The following STK39 variants were observed in gnomAD, a reference collection of about 807,000 sequenced individuals.
STK39 encodes STE20/SPS1-related proline-alanine-rich protein kinase.
A neutral mutation model predicts 77.8 loss-of-function variants in STK39; 20 were observed. The ratio of observed to expected loss-of-function variants is 0.26; its 90% CI spans 0.18 to 0.37. The LOEUF (loss-of-function observed/expected upper bound fraction) is 0.37, where lower values mean the gene tolerates loss of function less well. Ranked by LOEUF, STK39 falls within the 10% of genes least tolerant of loss-of-function variation. The pLI is 1.00. For missense variants in STK39, 479 were observed against 656.5 expected (o/e 0.73, Z 2.95); for synonymous variants, 246 against 234.1 (o/e 1.05, Z -0.47).
intron 1 of STK39, among the ~76,000 whole-genome samples, chr2:168,202,985 A>G (rs1238874824): frequency 6.6e-6 from 1 of 152,134 alleles, no homozygotes; most frequent in Admixed American, 6.5e-5. Flanking sequence ...CTTTCAACAG[A>G]GCACCTCTAT....
intron 1 of STK39, among the ~76,000 whole-genome samples, chr2:168,224,325 C>T (rs1690253270): frequency 6.6e-6 from 1 of 151,886 alleles, no homozygotes; most frequent in South Asian, 2.1e-4. Context: ...TTATAAAGAC[C>T]CATCAGCATT....
intron 5 of STK39, 106 bp downstream of exon 5, chr2:168,161,681 A>G: frequency 1.3e-6 from 1 of 755,270 alleles, no homozygotes; most frequent in East Asian, 2.9e-5. Flanking sequence ...ATCATTCTGA[A>G]AAGAGATTAC....
intron 1 of STK39, among the ~76,000 whole-genome samples, chr2:168,234,219 C>A (rs73013470): frequency 0.15 from 22,100 of 152,156 alleles, 1,849 homozygotes; most frequent in African/African-American, 0.24. Flanking sequence ...AAATTACCAT[C>A]CAGCACCACC....
intron 14 of STK39, among the ~76,000 whole-genome samples, chr2:168,032,921 C>T (rs565802693): frequency 2.0e-5 from 3 of 152,264 alleles, no homozygotes; most frequent in South Asian, 2.1e-4. Context: ...AAGAAGAAGT[C>T]GAGTTGCTGA....
intron 5 of STK39, among the ~76,000 whole-genome samples, chr2:168,145,704 T>C (rs1688119237): frequency 1.3e-5 from 2 of 152,204 alleles, no homozygotes; most frequent in Admixed American, 6.5e-5. Context: ...CCATGTGATA[T>C]TATGTTTGTG....
intron 16 of STK39, among the ~76,000 whole-genome samples, chr2:167,987,991 A>G (rs1425643000): frequency 6.6e-6 from 1 of 152,170 alleles, no homozygotes; most frequent in African/African-American, 2.4e-5. Context: ...TTTGCAGAGG[A>G]AATGGAGGCA....
At chr2:168,200,586 A>T (rs1689588621) in intron 1 of STK39, among the ~76,000 whole-genome samples, 1 of 152,186 alleles carries the variant, frequency 6.6e-6, no homozygotes, top group Admixed American at 6.5e-5. Flanking sequence ...CTGAGGCACC[A>T]GAATCATTTG....
intron 5 of STK39, among the ~76,000 whole-genome samples, chr2:168,145,625 C>T (rs150143222): frequency 1.2e-4 from 19 of 152,068 alleles, no homozygotes; most frequent in African/African-American, 3.6e-4. Flanking sequence ...TAATTTAGTC[C>T]GCAAAACTAA....
chr2:168,086,352 A>G (rs1372787183), intron 10 of STK39, among the ~76,000 whole-genome samples: 1 of 152,236 alleles, frequency 6.6e-6, no homozygotes, highest in Non-Finnish European at 1.5e-5. Flanking sequence ...TGACTATGTT[A>G]TTATACACTA....
chr2:168,147,702 A>G (rs1017199321), intron 5 of STK39, among the ~76,000 whole-genome samples: 2 of 152,158 alleles, frequency 1.3e-5, no homozygotes, highest in African/African-American at 2.4e-5. Flanking sequence ...ATGGGGGAAT[A>G]TATTAACTAA....
chr2:168,036,743 AG>A, intron 14 of STK39, among the ~76,000 whole-genome samples: 1 of 152,324 alleles, frequency 6.6e-6, no homozygotes, highest in Middle Eastern at 3.4e-3. Flanking sequence ...ACGTAGCAAC[AG>A]GATTCCTAGA....
At chr2:168,150,528 G>A (rs1457414118) in intron 5 of STK39, among the ~76,000 whole-genome samples, 1 of 152,016 alleles carries the variant, frequency 6.6e-6, no homozygotes, top group African/African-American at 2.4e-5. Context: ...GCTCACTGCA[G>A]GTGTGATGGT....
intron 16 of STK39, among the ~76,000 whole-genome samples, chr2:167,966,339 T>C (rs532407476): frequency 7.2e-5 from 11 of 152,348 alleles, no homozygotes; most frequent in Non-Finnish European, 1.3e-4. Flanking sequence ...GTATTTATCA[T>C]GTCAGGGCAC....
chr2:168,137,241 T>A (rs1487850329), intron 8 of STK39, among the ~76,000 whole-genome samples: 2 of 152,238 alleles, frequency 1.3e-5, no homozygotes, highest in Non-Finnish European at 2.9e-5. Context: ...TTTTAAAATA[T>A]AAGGATCAAA....
Position 168,175,372 on chromosome 2 carries a change from T to G in STK39, c.321+6606A>C, listed in dbSNP as rs567096375. Among the ~76,000 whole-genome samples the G allele has an allele frequency of 4.6e-5, 7 of 152,260 alleles. No homozygotes were observed. The East Asian group carries it at 1.3e-3, about 29-fold the overall frequency. On this transcript the variant is annotated intron_variant, in intron 2 of 17. Coordinates refer to ENST00000355999, the MANE Select transcript of STK39 (RefSeq NM_013233.3). ...CTGGGTCCCTGTTACTGAAAACATA[T>G]AAGCCCCAAAACATAAGTGTTTTTG... is the stretch of plus-strand genomic sequence containing the variant.
chr2:168,234,446 T>A (rs923302143), intron 1 of STK39, among the ~76,000 whole-genome samples: 2 of 152,238 alleles, frequency 1.3e-5, no homozygotes, highest in Non-Finnish European at 2.9e-5. Flanking sequence ...CCCTTTCTTC[T>A]GGGAACACTG....
chr2:168,073,896 G>C (rs553452083), intron 12 of STK39, among the ~76,000 whole-genome samples: 1 of 152,254 alleles, frequency 6.6e-6, no homozygotes, highest in Non-Finnish European at 1.5e-5. Context: ...GGGATTACAG[G>C]AGTGAGCCAC....
chr2:168,237,019 C>A (rs1385882581), intron 1 of STK39, among the ~76,000 whole-genome samples: 1 of 152,092 alleles, frequency 6.6e-6, no homozygotes, highest in African/African-American at 2.4e-5. Flanking sequence ...GGCATTGAAT[C>A]TATAAATTAC....
At chr2:168,136,325 C>T (rs1325527696) in intron 8 of STK39, among the ~76,000 whole-genome samples, 10 of 147,560 alleles carry the variant, frequency 6.8e-5, no homozygotes, top group African/African-American at 2.0e-4. Flanking sequence ...GCCAAGATCG[C>T]GCCACTGCAC....
Sources: allele counts gnomAD v4.1 joint callset (sites outside exome capture counted in the v4.1 genomes callset), GRCh38; gene constraint gnomAD v4.1.1; transcripts MANE v1.5; gene names NCBI Gene and HGNC (gene_info 2026-07-23, HGNC 2026-07-21).